PPP3CA: variants seen among roughly 807,000 people sequenced by gnomAD.
The protein encoded by PPP3CA is protein phosphatase 3 catalytic subunit alpha.
In PPP3CA, 14 loss-of-function variants were observed where a neutral mutation model predicts 66.5. The observed-to-expected ratio is 0.21, with a 90% CI of 0.14 to 0.33. The LOEUF is 0.33. Among genes scored for constraint, PPP3CA ranks in the 10% least tolerant of loss-of-function variants. PPP3CA has a pLI of 1.00. For missense variants in PPP3CA, 317 were observed against 639.5 expected, an observed-to-expected ratio of 0.50 and a Z score of 5.44; for synonymous variants, 232 against 226.2, an observed-to-expected ratio of 1.03 and a Z score of -0.23.
At chr4:101,040,809 G>A (rs1403444998) in intron 10 of PPP3CA, among the ~76,000 whole-genome samples, 1 of 152,136 alleles carries the variant, frequency 6.6e-6, no homozygotes. Context: ...CAGAGGGGAG[G>A]TGAGTAAGAA....
At chr4:101,122,186 T>C (rs925301378) in intron 2 of PPP3CA, among the ~76,000 whole-genome samples, 9 of 152,172 alleles carry the variant, frequency 5.9e-5, no homozygotes, top group Admixed American at 5.9e-4. Flanking sequence ...CTCTCAGCAA[T>C]GCTAAGTCAT....
intron 2 of PPP3CA, among the ~76,000 whole-genome samples, chr4:101,163,729 C>T (rs1361346361): frequency 2.6e-5 from 4 of 152,024 alleles, no homozygotes; most frequent in African/African-American, 9.7e-5. Context: ...GATAGGTACA[C>T]CATGGTTTAA....
rs375052296 is a variant in PPP3CA at position 101,045,805 on chromosome 4, A to T, written c.1157-5239T>A. On this transcript the variant is annotated intron_variant, in intron 10 of 13. Coordinates refer to ENST00000394854, the MANE Select transcript of PPP3CA (RefSeq NM_000944.5). ...TTACTTTGCCAGATACCAAAAAAGA[A>T]AGAAATGGTTAGATTGCTGAATGAG... is the stretch of plus-strand genomic sequence containing the variant. Among the ~76,000 whole-genome samples, 9 of 152,340 alleles carry T rather than the reference A, an allele frequency of 5.9e-5. No homozygotes were observed. The East Asian group carries it at 9.6e-4, about 16-fold the overall frequency.
intron 2 of PPP3CA, among the ~76,000 whole-genome samples, chr4:101,114,242 T>C (rs749891272): frequency 3.9e-5 from 6 of 152,138 alleles, no homozygotes; most frequent in Non-Finnish European, 8.8e-5. Context: ...GAACTGTATA[T>C]ACTTATGTCA....
intron 1 of PPP3CA, among the ~76,000 whole-genome samples, chr4:101,282,680 T>C (rs971398832): frequency 7.2e-5 from 11 of 152,188 alleles, no homozygotes; most frequent in Non-Finnish European, 1.3e-4. Context: ...TTTAACATAA[T>C]GCATGTGGCT....
At chr4:101,252,983 C>G (rs750497557) in intron 1 of PPP3CA, among the ~76,000 whole-genome samples, 1 of 152,136 alleles carries the variant, frequency 6.6e-6, no homozygotes, top group African/African-American at 2.4e-5. Context: ...GCAGAGAAAA[C>G]GACTCATTGA....
chr4:101,041,671 T>G (rs1727528293), intron 10 of PPP3CA, among the ~76,000 whole-genome samples: 1 of 152,048 alleles, frequency 6.6e-6, no homozygotes. Flanking sequence ...TGACCTCAAA[T>G]GACCTGCCTG....
chr4:101,198,955 C>T (rs749133706), intron 1 of PPP3CA, among the ~76,000 whole-genome samples: 2 of 152,120 alleles, frequency 1.3e-5, no homozygotes, highest in Non-Finnish European at 2.9e-5. Flanking sequence ...GGAAGGGATC[C>T]TGATGAGACG....
At chr4:101,260,782 G>A (rs926812202) in intron 1 of PPP3CA, among the ~76,000 whole-genome samples, 3 of 152,002 alleles carry the variant, frequency 2.0e-5, no homozygotes, top group African/African-American at 7.2e-5. Flanking sequence ...TTATCATCAG[G>A]TAAATTATCC....
intron 8 of PPP3CA, among the ~76,000 whole-genome samples, chr4:101,069,861 A>G (rs553683819): frequency 1.3e-5 from 2 of 152,220 alleles, no homozygotes; most frequent in African/African-American, 2.4e-5. Flanking sequence ...ATTATATACT[A>G]TAAGAATACA....
chr4:101,085,616 T>C (rs917834320), intron 6 of PPP3CA, among the ~76,000 whole-genome samples: 28 of 152,194 alleles, frequency 1.8e-4, no homozygotes, highest in Admixed American at 1.6e-3. Context: ...TGCCATCATA[T>C]ACTCAGCTTT....
At chr4:101,165,528 C>T (rs1481674080) in intron 2 of PPP3CA, among the ~76,000 whole-genome samples, 3 of 152,088 alleles carry the variant, frequency 2.0e-5, no homozygotes, top group African/African-American at 7.2e-5. Context: ...TCAACTTATA[C>T]AATTTTTATA....
intron 8 of PPP3CA, among the ~76,000 whole-genome samples, chr4:101,075,007 T>TG (rs1294558557): frequency 6.6e-6 from 1 of 152,222 alleles, no homozygotes; most frequent in East Asian, 1.9e-4. Flanking sequence ...ATGTCTTATA[T>TG]GGTGACAGGC....
intron 1 of PPP3CA, among the ~76,000 whole-genome samples, chr4:101,217,215 C>A (rs551583019): frequency 6.6e-6 from 1 of 152,074 alleles, no homozygotes; most frequent in Admixed American, 6.6e-5. Flanking sequence ...GGATTTGGGG[C>A]CTGACTCCAC....
chr4:101,036,063 T>C (rs1299350774), intron 11 of PPP3CA, among the ~76,000 whole-genome samples: 3 of 152,172 alleles, frequency 2.0e-5, no homozygotes, highest in African/African-American at 7.2e-5. Context: ...AAGTGTAAAA[T>C]ACACATGGGA....
chr4:101,131,527 G>C (rs972863871), intron 2 of PPP3CA, among the ~76,000 whole-genome samples: 1 of 151,310 alleles, frequency 6.6e-6, no homozygotes, highest in East Asian at 1.9e-4. Flanking sequence ...TAATGGTAAA[G>C]GGATCAATGC....
chr4:101,206,362 T>TA lies in PPP3CA; in HGVS notation c.59-10247dup. Among the ~76,000 whole-genome samples the TA allele has an allele frequency of 1.3e-5, 2 of 152,360 alleles. 1 individual carries two copies. Among genetic ancestry groups the TA allele is most frequent in the Non-Finnish European group, 2.9e-5 (2 of 68,032 alleles). ...TAAAGTGAACTTGTCAATTTTGGTT[T>TA]AAAAATCAAACATGCATTTTTTAAT... On this transcript the variant is annotated intron_variant, in intron 1 of 13. Coordinates refer to ENST00000394854, the MANE Select transcript of PPP3CA (RefSeq NM_000944.5).
At chr4:101,039,683 A>T (rs2851061) in intron 11 of PPP3CA, among the ~76,000 whole-genome samples, 41,734 of 143,076 alleles carry the variant, frequency 0.29, 11,309 homozygotes, top group East Asian at 0.87. Context: ...TAGCAAGAGG[A>T]GAAATCAAAA....
intron 2 of PPP3CA, among the ~76,000 whole-genome samples, chr4:101,149,757 G>A (rs1213184179): frequency 6.6e-6 from 1 of 152,118 alleles, no homozygotes; most frequent in African/African-American, 2.4e-5. Context: ...GGCAGACAAA[G>A]GTAGTATCAA....
Sources: gnomAD v4.1 joint callset for allele counts (sites outside exome capture counted in the v4.1 genomes callset) on GRCh38, gnomAD v4.1.1 for gene constraint, MANE v1.5 for transcripts, NCBI Gene and HGNC (gene_info 2026-07-23, HGNC 2026-07-21) for gene names.